CISD1: variants seen among roughly 807,000 people sequenced by gnomAD.
The protein encoded by CISD1 is CDGSH iron sulfur domain 1.
A neutral mutation model predicts 12.0 loss-of-function variants in CISD1; 8 were observed. The observed-to-expected ratio is 0.67, with a 90% confidence interval of 0.39 to 1.20. The LOEUF (loss-of-function observed/expected upper bound fraction) is 1.20. CISD1 is among the 50% of genes most tolerant of loss of function. The pLI is 0.01. For missense variants in CISD1, 107 were observed against 132.7 expected, an observed-to-expected ratio of 0.81 and a Z score of 0.95; for synonymous variants, 38 against 42.2, an observed-to-expected ratio of 0.90 and a Z score of 0.39.
intron 2 of CISD1, among the ~76,000 whole-genome samples, chr10:58,286,544 T>C (rs1022665798): frequency 6.6e-6 from 1 of 152,184 alleles, no homozygotes; most frequent in Admixed American, 6.5e-5. Context: ...GTGTTTTTTA[T>C]AGCAAAATTA....
chr10:58,272,373 C>G (rs933447202), intron 1 of CISD1, among the ~76,000 whole-genome samples: 1 of 151,996 alleles, frequency 6.6e-6, no homozygotes. Context: ...TTATCTATCC[C>G]AAACCCTGAT....
chr10:58,274,006 C>T (rs942794785), intron 1 of CISD1, among the ~76,000 whole-genome samples: 4 of 151,854 alleles, frequency 2.6e-5, no homozygotes, highest in East Asian at 3.9e-4. Flanking sequence ...TGGTGGTGGG[C>T]GCCTGTAATC....
At chr10:58,286,146 A>C (rs1839426281) in intron 2 of CISD1, among the ~76,000 whole-genome samples, 1 of 151,292 alleles carries the variant, frequency 6.6e-6, no homozygotes, top group Non-Finnish European at 1.5e-5. Flanking sequence ...CGGAGCTTGC[A>C]GTGAGTCGAG....
intron 1 of CISD1, 82 bp downstream of exon 1, chr10:58,269,386 C>T: frequency 7.9e-7 from 1 of 1,267,362 alleles, no homozygotes; most frequent in Non-Finnish European, 1.1e-6. Context: ...TGTTTTACCA[C>T]TGCCCTACGC....
intron 1 of CISD1, among the ~76,000 whole-genome samples, chr10:58,269,822 T>C (rs1398949930): frequency 6.6e-6 from 1 of 152,212 alleles, no homozygotes; most frequent in Non-Finnish European, 1.5e-5. Context: ...GGTTTTTTAT[T>C]ATTCCTCTGG....
intron 2 of CISD1, among the ~76,000 whole-genome samples, chr10:58,280,334 A>C (rs367960688): frequency 1.3e-5 from 2 of 152,196 alleles, no homozygotes; most frequent in African/African-American, 4.8e-5. Flanking sequence ...AAATGATCAG[A>C]GACATAAAAG....
chr10:58,285,412 A>G (rs938188034), intron 2 of CISD1, among the ~76,000 whole-genome samples: 1 of 152,200 alleles, frequency 6.6e-6, no homozygotes. Context: ...CACTGCACGT[A>G]ATGAGGTACT....
chr10:58,287,151 C>T (rs1037682479), intron 2 of CISD1, among the ~76,000 whole-genome samples: 7 of 152,146 alleles, frequency 4.6e-5, no homozygotes, highest in Non-Finnish European at 7.3e-5. Flanking sequence ...GAACTCTTGA[C>T]CTCAAATGAT....
intron 1 of CISD1, among the ~76,000 whole-genome samples, 160 bp downstream of exon 1, chr10:58,269,464 G>A (rs1458347645): frequency 1.3e-5 from 2 of 152,198 alleles, no homozygotes; most frequent in Admixed American, 6.5e-5. Context: ...GCTCCGGGCC[G>A]GACAGCGAAA....
intron 2 of CISD1, among the ~76,000 whole-genome samples, chr10:58,279,072 G>C (rs539135990): frequency 6.6e-6 from 1 of 152,284 alleles, no homozygotes; most frequent in South Asian, 2.1e-4. Flanking sequence ...TAAATTCATA[G>C]TCGGGAATGA....
rs367779507 is a variant in CISD1, at chr10:58,277,071, G to A, written c.32-46G>A. The A allele has an allele frequency of 1.5e-5, 20 of 1,328,392 alleles. No homozygotes were observed. The African/African-American group carries it at 2.9e-4, about 20-fold the overall frequency. 82.3% of individuals were successfully genotyped at this position (1,328,392 alleles called of 1,614,324 possible). ...CTGACATGCATGTGATATTATTGGT[G>A]TATATTTTGGTTTTGATAATTATTT... On this transcript the variant is annotated intron_variant, in intron 1 of 2. Coordinates refer to ENST00000333926, the MANE Select transcript of CISD1 (RefSeq NM_018464.5).
At chr10:58,282,435 T>C (rs1381060581) in intron 2 of CISD1, among the ~76,000 whole-genome samples, 1 of 152,216 alleles carries the variant, frequency 6.6e-6, no homozygotes, top group African/African-American at 2.4e-5. Context: ...CGTCATCTCT[T>C]GATTGCAAAT....
intron 2 of CISD1, among the ~76,000 whole-genome samples, chr10:58,284,213 A>G (rs888438631): frequency 1.3e-5 from 2 of 151,956 alleles, no homozygotes; most frequent in Non-Finnish European, 2.9e-5. Context: ...GCATGCACCT[A>G]TAGTCCTAGC....
chr10:58,272,762 A>G (rs1839263553), intron 1 of CISD1, among the ~76,000 whole-genome samples: 1 of 152,192 alleles, frequency 6.6e-6, no homozygotes, highest in African/African-American at 2.4e-5. Context: ...TACTAAAAAT[A>G]CAAAAAATTA....
Position 58,288,105 on chromosome 10 carries a change from A to T in CISD1, c.*455A>T, listed in dbSNP as rs1839449617. The stretch of plus-strand genomic sequence containing the variant: ...CATTAATTTCTTAATACAATCTAGG[A>T]AAGACCTGTTGTAGCCTTGATTTTC... On this transcript the variant is annotated 3_prime_UTR_variant, in exon 3 of 3. Transcript: ENST00000333926. 1 of 152,568 alleles carries T rather than the reference A, an allele frequency of 6.6e-6. No individual in the cohort carries two copies. The highest frequency in any genetic ancestry group is 1.5e-5 in the Non-Finnish European group (1 of 68,210). The allele number at this position is 152,568 out of a possible 1,614,324, so 9.5% of individuals were successfully genotyped here.
chr10:58,287,724 C>T lies in CISD1; in HGVS notation c.*74C>T. 1.1e-6 allele frequency: 1 copy of T among 881,530 alleles called. No homozygotes were observed. The allele number at this position is 881,530 out of a possible 1,614,324, so 54.6% of individuals were successfully genotyped here. On this transcript the variant is annotated 3_prime_UTR_variant, in exon 3 of 3. Coordinates refer to ENST00000333926, the MANE Select transcript of CISD1 (RefSeq NM_018464.5). ...TGTTTAATTAGAATGACTACCACCT[C>T]TGTCTGATTCACCTTCGCTGGATTC...
At chr10:58,282,559 G>C (rs368679367) in intron 2 of CISD1, among the ~76,000 whole-genome samples, 9 of 152,194 alleles carry the variant, frequency 5.9e-5, no homozygotes, top group African/African-American at 2.2e-4. Context: ...ATTTTAGCGA[G>C]TATTTTCTAT....
At chr10:58,272,770 T>C (rs956229824) in intron 1 of CISD1, among the ~76,000 whole-genome samples, 6 of 152,038 alleles carry the variant, frequency 3.9e-5, no homozygotes, top group African/African-American at 1.5e-4. Flanking sequence ...ATACAAAAAA[T>C]TAGCCAGGCA....
chr10:58,284,138 TGTAACAGCCAATGTA>T (rs1039642224), intron 2 of CISD1, among the ~76,000 whole-genome samples: 1 of 152,112 alleles, frequency 6.6e-6, no homozygotes. Context: ...ACTTTGAGAA[TGTAACAGCCAATGTA>T]GTGAAACCTT....
Sources: allele counts gnomAD v4.1 joint callset (sites outside exome capture counted in the v4.1 genomes callset), GRCh38; gene constraint gnomAD v4.1.1; transcripts MANE v1.5; gene names NCBI Gene and HGNC (gene_info 2026-07-23, HGNC 2026-07-21).